RNLS: variants seen among roughly 807,000 people sequenced by gnomAD.
RNLS encodes the protein renalase.
Under a neutral mutation model 39.8 loss-of-function variants are expected in RNLS, and 39 were observed. The ratio of observed to expected loss-of-function variants is 0.98; its 90% CI spans 0.76 to 1.28. RNLS has a LOEUF of 1.28. Ranked by LOEUF, RNLS falls within the 50% of genes most tolerant of loss-of-function variation. The pLI is 0.00. For missense variants in RNLS, 410 were observed against 413.3 expected (o/e 0.99, Z 0.07); for synonymous variants, 147 against 150.7 (o/e 0.98, Z 0.18).
chr10:88,519,947 T>A (rs573908263), intron 4 of RNLS, among the ~76,000 whole-genome samples: 4 of 151,926 alleles, frequency 2.6e-5, no homozygotes, highest in Non-Finnish European at 5.9e-5. Flanking sequence ...ATTGTGCCCA[T>A]GTCTTATGGA....
chr10:88,238,705 G>A, the RNLS span, among the ~76,000 whole-genome samples: 1 of 152,216 alleles, frequency 6.6e-6, no homozygotes, highest in Non-Finnish European at 1.5e-5. Context: ...GCACGCTGTG[G>A]AGCCAACATG....
At chr10:88,362,257 T>C (rs1849694487) in intron 5 of RNLS, among the ~76,000 whole-genome samples, 1 of 152,082 alleles carries the variant, frequency 6.6e-6, no homozygotes, top group Non-Finnish European at 1.5e-5. Flanking sequence ...CATGTGCATA[T>C]AGATGCATCC....
chr10:88,583,196 G>A lies in RNLS; in HGVS notation c.-6C>T, dbSNP rs756949915. 4.3e-6 allele frequency: 7 copies of A among 1,613,754 alleles called. No individual in the cohort carries two copies. Among genetic ancestry groups the A allele is most frequent in the South Asian group, 2.2e-5 (2 of 91,060 alleles). ...ACGATCAGCACCTGCGCCATGGCGA[G>A]AGGGAGCAGCGATCCGCGCTGAGTC... is the stretch of plus-strand genomic sequence containing the variant. On this transcript the variant is annotated 5_prime_UTR_variant, in exon 1 of 7. Coordinates refer to ENST00000331772, the MANE Select transcript of RNLS (RefSeq NM_001031709.3).
the RNLS span, among the ~76,000 whole-genome samples, chr10:88,220,322 G>T: frequency 3.3e-5 from 5 of 152,134 alleles, no homozygotes; most frequent in Admixed American, 6.5e-5. Context: ...ATTTTGGGGT[G>T]GGCAGGGTCA....
the RNLS span, among the ~76,000 whole-genome samples, chr10:88,192,619 C>T: frequency 1.3e-5 from 2 of 152,164 alleles, no homozygotes; most frequent in Admixed American, 1.3e-4. Context: ...CTAATATGGT[C>T]TCAGGGACCC....
chr10:88,446,050 CCA>C (rs1403242377), intron 4 of RNLS, among the ~76,000 whole-genome samples: 1 of 152,154 alleles, frequency 6.6e-6, no homozygotes, highest in Non-Finnish European at 1.5e-5. Context: ...CCAAAATTGA[CCA>C]CATAGTTGGA....
At chr10:88,453,293 A>AT (rs1169886459) in intron 4 of RNLS, among the ~76,000 whole-genome samples, 1 of 152,198 alleles carries the variant, frequency 6.6e-6, no homozygotes, top group Non-Finnish European at 1.5e-5. Context: ...TCTAAGGGTC[A>AT]TATGTTCAGC....
intron 4 of RNLS, among the ~76,000 whole-genome samples, chr10:88,539,665 T>A (rs1037321133): frequency 6.6e-6 from 1 of 152,098 alleles, no homozygotes; most frequent in Non-Finnish European, 1.5e-5. Flanking sequence ...TATGAATCAA[T>A]CTCTGTAAAT....
chr10:88,525,798 AC>A (rs1181434961), intron 4 of RNLS, among the ~76,000 whole-genome samples: 1 of 152,190 alleles, frequency 6.6e-6, no homozygotes, highest in Non-Finnish European at 1.5e-5. Context: ...GCTAATAAAA[AC>A]ATTGTATGTT....
the RNLS span, among the ~76,000 whole-genome samples, chr10:88,225,217 G>C: frequency 6.6e-6 from 1 of 152,164 alleles, no homozygotes; most frequent in African/African-American, 2.4e-5. Context: ...ACATACAGCT[G>C]CCAAAAGACA....
At chr10:88,218,596 G>C in the RNLS span, among the ~76,000 whole-genome samples, 1 of 152,164 alleles carries the variant, frequency 6.6e-6, no homozygotes, top group Non-Finnish European at 1.5e-5. Flanking sequence ...GACACCCACT[G>C]TTAGGATAAG....
At chr10:88,527,049 C>T (rs1439347308) in intron 4 of RNLS, among the ~76,000 whole-genome samples, 3 of 152,018 alleles carry the variant, frequency 2.0e-5, no homozygotes, top group African/African-American at 7.3e-5. Flanking sequence ...AATCAGAAGA[C>T]TTCTCAACCT....
At chr10:88,527,343 C>T (rs1035389870) in intron 4 of RNLS, among the ~76,000 whole-genome samples, 1 of 152,112 alleles carries the variant, frequency 6.6e-6, no homozygotes, top group Non-Finnish European at 1.5e-5. Context: ...GGGAGCAGGA[C>T]CCTCACATAG....
At chr10:88,368,778 A>G (rs183247437) in intron 4 of RNLS, among the ~76,000 whole-genome samples, 38 of 152,042 alleles carry the variant, frequency 2.5e-4, no homozygotes, top group African/African-American at 8.7e-4. Flanking sequence ...GCAGATTTTT[A>G]TCTATGTTTC....
At chr10:88,258,241 G>A in the RNLS span, among the ~76,000 whole-genome samples, 1 of 152,190 alleles carries the variant, frequency 6.6e-6, no homozygotes, top group East Asian at 1.9e-4. Context: ...GTGACTGACG[G>A]TGACATTGGT....
At chr10:88,481,902 A>T (rs1339848723) in intron 4 of RNLS, among the ~76,000 whole-genome samples, 1 of 152,082 alleles carries the variant, frequency 6.6e-6, no homozygotes, top group Non-Finnish European at 1.5e-5. Context: ...CTGTCTTTTT[A>T]AAAATTTGGT....
At chr10:88,188,088 C>T in the RNLS span, among the ~76,000 whole-genome samples, 2 of 152,006 alleles carry the variant, frequency 1.3e-5, no homozygotes, top group Non-Finnish European at 2.9e-5. Flanking sequence ...GATGGAGTCT[C>T]GCTCTGTCAC....
At chr10:88,317,870 C>G (rs994553995) in intron 5 of RNLS, among the ~76,000 whole-genome samples, 2 of 152,188 alleles carry the variant, frequency 1.3e-5, no homozygotes, top group Non-Finnish European at 1.5e-5. Flanking sequence ...CTGAGGAACT[C>G]AGAACCCTGT....
chr10:88,301,850 A>C (rs2132959253), intron 6 of RNLS, among the ~76,000 whole-genome samples: 1 of 152,330 alleles, frequency 6.6e-6, no homozygotes, highest in Middle Eastern at 3.4e-3. Context: ...GAAAAGATAA[A>C]AGAGTGAGAA....
Sources: allele counts gnomAD v4.1 joint callset (sites outside exome capture counted in the v4.1 genomes callset), GRCh38; gene constraint gnomAD v4.1.1; transcripts MANE v1.5; gene names NCBI Gene and HGNC (gene_info 2026-07-23, HGNC 2026-07-21).